OR51B5: variants seen among roughly 807,000 people sequenced by gnomAD.
OR51B5 encodes olfactory receptor family 51 subfamily B member 5.
For synonymous variants in OR51B5, 186 were observed against 144.8 expected (o/e 1.28, Z -2.04); for missense variants, 456 against 374.6 (o/e 1.22, Z -1.79).
chr11:5,356,472 T>C (rs1365118315), intron 1 of OR51B5, among the ~76,000 whole-genome samples: 1 of 148,028 alleles, frequency 6.8e-6, no homozygotes, highest in Non-Finnish European at 1.5e-5. Context: ...AATATGGGAC[T>C]ATGTGAAAAG....
At chr11:5,346,570 T>C (rs1848994176), upstream of OR51B5, among the ~76,000 whole-genome samples, 1 of 152,016 alleles carries the variant, frequency 6.6e-6, no homozygotes, top group African/African-American at 2.4e-5. Context: ...GTTCATCTTT[T>C]AGAAAGGAAA....
chr11:5,475,784 T>C (rs1222531816), intron 1 of OR51B5, among the ~76,000 whole-genome samples: 1 of 152,230 alleles, frequency 6.6e-6, no homozygotes, highest in Non-Finnish European at 1.5e-5. Context: ...CTAATATTTT[T>C]GCCATAACCA....
At chr11:5,360,215 G>A (rs1009345526) in intron 1 of OR51B5, among the ~76,000 whole-genome samples, 25 of 151,866 alleles carry the variant, frequency 1.6e-4, no homozygotes, top group African/African-American at 4.6e-4. Flanking sequence ...GCAACATACA[G>A]AATGGGAGAA....
chr11:5,347,156 TA>T (rs1849005606), upstream of OR51B5, among the ~76,000 whole-genome samples: 1 of 152,192 alleles, frequency 6.6e-6, no homozygotes, highest in Non-Finnish European at 1.5e-5. Context: ...CCTGTCTTCA[TA>T]GCCCCAGCAG....
At chr11:5,424,696 G>A in intron 1 of OR51B5, among the ~76,000 whole-genome samples, 1 of 151,772 alleles carries the variant, frequency 6.6e-6, no homozygotes, top group Non-Finnish European at 1.5e-5. Context: ...GAAGTGAAAG[G>A]CAGGGCCTGG....
chr11:5,452,243 G>A (rs111795123), intron 1 of OR51B5, among the ~76,000 whole-genome samples: 2,884 of 152,100 alleles, frequency 0.019, 94 homozygotes, highest in African/African-American at 0.065. Flanking sequence ...GGTGGCTCAC[G>A]CCTGTAATCC....
intron 1 of OR51B5, chr11:5,431,098 G>C: frequency 2.3e-6 from 1 of 428,452 alleles, no homozygotes; most frequent in Non-Finnish European, 4.7e-6. Context: ...GTGGCAATAG[G>C]GCAGTTGCCT....
chr11:5,437,407 G>A (rs910509312), intron 1 of OR51B5, among the ~76,000 whole-genome samples: 1 of 152,128 alleles, frequency 6.6e-6, no homozygotes, highest in Non-Finnish European at 1.5e-5. Context: ...AAGCCAGAGA[G>A]GATATGACCT....
intron 1 of OR51B5, among the ~76,000 whole-genome samples, chr11:5,372,043 AGG>A (rs1378247637): frequency 1.3e-5 from 2 of 152,048 alleles, no homozygotes; most frequent in African/African-American, 4.8e-5. Context: ...AATGTACTCT[AGG>A]TTTATACATT....
At chr11:5,485,795 A>T (rs576522831) in intron 1 of OR51B5, among the ~76,000 whole-genome samples, 129 of 152,250 alleles carry the variant, frequency 8.5e-4, no homozygotes, top group African/African-American at 3.1e-3. Flanking sequence ...ATTTCCCTGG[A>T]TGTCTGTTAC....
intron 1 of OR51B5, chr11:5,352,069 G>A: frequency 1.2e-6 from 2 of 1,614,032 alleles, no homozygotes; most frequent in Non-Finnish European, 1.7e-6. Context: ...GCTAGCCTGT[G>A]CTGACATCAC....
intron 1 of OR51B5, among the ~76,000 whole-genome samples, chr11:5,349,279 T>A (rs7113335): frequency 0.56 from 85,277 of 151,808 alleles, 24,265 homozygotes; most frequent in South Asian, 0.7. Flanking sequence ...TAAGGATTCT[T>A]CCCAAAAAAT....
intron 1 of OR51B5, chr11:5,355,708 G>C (rs1000474642): frequency 2.0e-5 from 3 of 151,580 alleles, no homozygotes; most frequent in Non-Finnish European, 4.4e-5. Context: ...TGTTTTCAGT[G>C]GTGTGTCATT....
At chr11:5,366,396 C>A (rs1481210468) in intron 1 of OR51B5, among the ~76,000 whole-genome samples, 1 of 152,062 alleles carries the variant, frequency 6.6e-6, no homozygotes, top group Non-Finnish European at 1.5e-5. Flanking sequence ...CACCTGAGGG[C>A]AAGAGTTCGA....
chr11:5,438,521 G>A (rs1850624165), intron 1 of OR51B5, among the ~76,000 whole-genome samples: 1 of 152,140 alleles, frequency 6.6e-6, no homozygotes, highest in Admixed American at 6.5e-5. Context: ...TAATTCACAT[G>A]TACTGGTGTG....
chr11:5,431,362 G>A, intron 1 of OR51B5: 2 of 288,076 alleles, frequency 6.9e-6, no homozygotes, highest in Non-Finnish European at 1.4e-5. Flanking sequence ...TGTAACAGTA[G>A]CAGTGTAGAC....
chr11:5,389,817 A>G (rs1310641058), intron 1 of OR51B5: 1 of 1,613,612 alleles, frequency 6.2e-7, no homozygotes, highest in Non-Finnish European at 8.5e-7. Flanking sequence ...GCCATCTGCC[A>G]CCCTCTGAGG....
rs368678368 is a variant in OR51B5, at chr11:5,357,547, GTCAACATTAGACAGA to G, written n.85-10652_85-10638del. Among the ~76,000 whole-genome samples, 66 of 152,216 alleles carry G rather than the reference GTCAACATTAGACAGA, an allele frequency of 4.3e-4. 1 individual carries two copies. In the South Asian group the frequency reaches 6.7e-3, roughly 15 times the overall value. ...CAATGGGAGACTTTAACACCCCACTGTCAACATTAGACAGATCAACATTAGACAGATCAACGAGAC... is the reference window on the plus strand; with the variant it reads ...CAATGGGAGACTTTAACACCCCACTGTCAACATTAGACAGATCAACGAGAC... On this transcript the variant is annotated intron_variant and non_coding_transcript_variant, in intron 1 of 4. Transcript: ENST00000415970.
intron 1 of OR51B5, among the ~76,000 whole-genome samples, chr11:5,417,385 A>C (rs1054113440): frequency 3.9e-5 from 6 of 152,142 alleles, no homozygotes; most frequent in African/African-American, 1.4e-4. Flanking sequence ...TTCAGGTCTA[A>C]AACACCAAAA....
Sources: gnomAD v4.1 joint callset for allele counts (sites outside exome capture counted in the v4.1 genomes callset) on GRCh38, gnomAD v4.1.1 for gene constraint, MANE v1.5 for transcripts, NCBI Gene and HGNC (gene_info 2026-07-23, HGNC 2026-07-21) for gene names.